TNFSF4: variants seen among roughly 807,000 people sequenced by gnomAD.
TNFSF4 encodes the protein TNF superfamily member 4, also known as tumor necrosis factor ligand superfamily member 4.
Under a neutral mutation model 7.3 loss-of-function variants are expected in TNFSF4, and 4 were observed. That is an observed-to-expected ratio of 0.55 (90% CI 0.27 to 1.25). The LOEUF (loss-of-function observed/expected upper bound fraction) is 1.25, where lower values mean the gene tolerates loss of function less well. TNFSF4 is among the 50% of genes most tolerant of loss of function. The pLI is 0.12. For synonymous variants in TNFSF4, 76 were observed against 83.7 expected (o/e 0.91, Z 0.50); for missense variants, 181 against 208.8 (o/e 0.87, Z 0.82).
the TNFSF4 span, among the ~76,000 whole-genome samples, chr1:173,212,812 C>T: frequency 4.0e-5 from 6 of 151,632 alleles, no homozygotes; most frequent in African/African-American, 1.5e-4. Context: ...AATACATATA[C>T]CTACTATGTA....
At chr1:173,363,890 A>G in the TNFSF4 span, among the ~76,000 whole-genome samples, 596 of 152,280 alleles carry the variant, frequency 3.9e-3, 3 homozygotes, top group Non-Finnish European at 7.0e-3. Flanking sequence ...CCTGCCACAC[A>G]CTGGTGCCAC....
the TNFSF4 span, among the ~76,000 whole-genome samples, chr1:173,405,407 A>G: frequency 1.3e-5 from 2 of 152,222 alleles, no homozygotes; most frequent in Non-Finnish European, 2.9e-5. Context: ...AACTATTCTT[A>G]GTTCACAGGC....
downstream of TNFSF4, among the ~76,000 whole-genome samples, chr1:173,182,029 T>C (rs1238911682): frequency 6.6e-6 from 1 of 152,140 alleles, no homozygotes; most frequent in African/African-American, 2.4e-5. Context: ...AGGGACTACT[T>C]CTTGGTGCTC....
the TNFSF4 span, among the ~76,000 whole-genome samples, chr1:173,258,754 G>T: frequency 6.6e-6 from 1 of 152,148 alleles, no homozygotes; most frequent in Admixed American, 6.5e-5. Flanking sequence ...TGACTCTTTA[G>T]GTGGGACCCA....
At chr1:173,430,781 T>G in the TNFSF4 span, among the ~76,000 whole-genome samples, 2 of 152,320 alleles carry the variant, frequency 1.3e-5, no homozygotes, top group South Asian at 4.1e-4. Flanking sequence ...CAGATGTAAC[T>G]CAGAGGCTGT....
At chr1:173,387,471 G>A in the TNFSF4 span, among the ~76,000 whole-genome samples, 6,801 of 152,188 alleles carry the variant, frequency 0.045, 537 homozygotes, top group African/African-American at 0.15. Context: ...CTCCAGAACC[G>A]TAAGAAATAA....
chr1:173,215,878 G>A, the TNFSF4 span, among the ~76,000 whole-genome samples: 1 of 152,080 alleles, frequency 6.6e-6, no homozygotes, highest in Non-Finnish European at 1.5e-5. Flanking sequence ...ACAAATAGAA[G>A]GTGCACAATA....
chr1:173,374,845 C>T, the TNFSF4 span, among the ~76,000 whole-genome samples: 1 of 152,264 alleles, frequency 6.6e-6, no homozygotes, highest in East Asian at 1.9e-4. Context: ...CAATACAATA[C>T]CCCTACTTAT....
the TNFSF4 span, among the ~76,000 whole-genome samples, chr1:173,444,772 G>A: frequency 6.6e-6 from 1 of 152,130 alleles, no homozygotes. Context: ...TGAATCAGAG[G>A]CTAAATAAAT....
At chr1:173,292,244 A>T in the TNFSF4 span, among the ~76,000 whole-genome samples, 1 of 152,160 alleles carries the variant, frequency 6.6e-6, no homozygotes, top group South Asian at 2.1e-4. Context: ...ACAAAATACT[A>T]GCAAATCATA....
At chr1:173,246,161 T>A in the TNFSF4 span, among the ~76,000 whole-genome samples, 1 of 152,216 alleles carries the variant, frequency 6.6e-6, no homozygotes, top group Middle Eastern at 3.2e-3. Flanking sequence ...TACTTTTTTT[T>A]ATTTCACTTT....
At chr1:173,325,932 G>C in the TNFSF4 span, among the ~76,000 whole-genome samples, 2 of 152,202 alleles carry the variant, frequency 1.3e-5, no homozygotes, top group Non-Finnish European at 2.9e-5. Flanking sequence ...AATTCTACCA[G>C]AGGTACAAGG....
chr1:173,421,842 G>T, the TNFSF4 span, among the ~76,000 whole-genome samples: 1 of 152,002 alleles, frequency 6.6e-6, no homozygotes, highest in Non-Finnish European at 1.5e-5. Flanking sequence ...TTAGAACTAC[G>T]CATAAAGAAA....
chr1:173,415,065 C>T, the TNFSF4 span, among the ~76,000 whole-genome samples: 1 of 152,214 alleles, frequency 6.6e-6, no homozygotes, highest in Non-Finnish European at 1.5e-5. Flanking sequence ...ACTCCCCCAG[C>T]GTGCTGATTG....
At chr1:173,406,485 T>G in the TNFSF4 span, among the ~76,000 whole-genome samples, 4 of 152,268 alleles carry the variant, frequency 2.6e-5, no homozygotes, top group African/African-American at 9.6e-5. Context: ...GCATTATAAC[T>G]TCCATGAGTC....
chr1:173,433,521 C>T, the TNFSF4 span, among the ~76,000 whole-genome samples: 1 of 149,664 alleles, frequency 6.7e-6, no homozygotes, highest in Non-Finnish European at 1.5e-5. Flanking sequence ...ATGGCGAAAC[C>T]CTATCTCTAC....
the TNFSF4 span, among the ~76,000 whole-genome samples, chr1:173,354,305 T>C: frequency 2.0e-5 from 3 of 152,080 alleles, no homozygotes; most frequent in Non-Finnish European, 4.4e-5. Flanking sequence ...ACATTGAATC[T>C]CTGAACAGAC....
At chr1:173,358,180 C>T in the TNFSF4 span, among the ~76,000 whole-genome samples, 1 of 152,062 alleles carries the variant, frequency 6.6e-6, no homozygotes, top group African/African-American at 2.4e-5. Flanking sequence ...GGGTCAGGAA[C>T]CAAGGAATTT....
chr1:173,329,838 A>G, the TNFSF4 span, among the ~76,000 whole-genome samples: 2 of 152,176 alleles, frequency 1.3e-5, no homozygotes, highest in Non-Finnish European at 2.9e-5. Flanking sequence ...AAAAAGAAAA[A>G]AAAAATGCAG....
Sources: allele counts gnomAD v4.1 joint callset (sites outside exome capture counted in the v4.1 genomes callset), GRCh38; gene constraint gnomAD v4.1.1; transcripts MANE v1.5; gene names NCBI Gene and HGNC (gene_info 2026-07-23, HGNC 2026-07-21).